ELP4: variants seen among roughly 807,000 people sequenced by gnomAD.
The protein encoded by ELP4 is elongator acetyltransferase complex subunit 4.
Under a neutral mutation model 48.9 loss-of-function variants are expected in ELP4, and 51 were observed. The ratio of observed to expected loss-of-function variants is 1.04; its 90% CI spans 0.83 to 1.32. The LOEUF (loss-of-function observed/expected upper bound fraction) is 1.32. ELP4 is among the 40% of genes most tolerant of loss of function. The pLI, the probability that ELP4 is intolerant of heterozygous loss-of-function variation, is 0.00. For synonymous variants in ELP4, 210 were observed against 189.2 expected, an observed-to-expected ratio of 1.11 and a Z score of -0.90; for missense variants, 519 against 514.6, an observed-to-expected ratio of 1.01 and a Z score of -0.08.
intron 4 of ELP4, among the ~76,000 whole-genome samples, chr11:31,595,922 C>T (rs1376459074): frequency 6.6e-6 from 1 of 152,200 alleles, no homozygotes; most frequent in Non-Finnish European, 1.5e-5. Context: ...ATATAAAACA[C>T]TACATTCAAC....
At chr11:31,779,645 G>A (rs2134283573) in intron 9 of ELP4, 1 of 152,342 alleles carries the variant, frequency 6.6e-6, no homozygotes, top group South Asian at 2.1e-4. Context: ...GCCTAAGGGT[G>A]CCTTTTGGCA....
At chr11:31,743,197 C>T (rs1158819125) in intron 9 of ELP4, among the ~76,000 whole-genome samples, 2 of 152,178 alleles carry the variant, frequency 1.3e-5, no homozygotes, top group African/African-American at 4.8e-5. Context: ...GAAGAGCTAA[C>T]TATCCCAAAT....
chr11:31,643,968 G>T (rs1945150322), intron 7 of ELP4, among the ~76,000 whole-genome samples: 1 of 151,656 alleles, frequency 6.6e-6, no homozygotes, highest in African/African-American at 2.4e-5. Flanking sequence ...AACTTTAAGA[G>T]CCCTTTATGT....
chr11:31,765,888 A>G (rs1948030231), intron 9 of ELP4, among the ~76,000 whole-genome samples: 1 of 152,074 alleles, frequency 6.6e-6, no homozygotes, highest in Non-Finnish European at 1.5e-5. Context: ...ACCATCATTA[A>G]TATCTGAAAT....
chr11:31,560,571 ACATGGTCT>A (rs1221233513), intron 3 of ELP4, among the ~76,000 whole-genome samples: 1 of 151,532 alleles, frequency 6.6e-6, no homozygotes, highest in South Asian at 2.1e-4. Flanking sequence ...GCATTACTAC[ACATGGTCT>A]CACTAACTAA....
intron 3 of ELP4, among the ~76,000 whole-genome samples, chr11:31,546,373 C>G (rs1411518023): frequency 6.6e-6 from 1 of 152,076 alleles, no homozygotes; most frequent in African/African-American, 2.4e-5. Context: ...CAACAAAGAT[C>G]AAAAGGAACA....
chr11:31,549,878 A>G (rs1404189316), intron 3 of ELP4, among the ~76,000 whole-genome samples: 3 of 152,204 alleles, frequency 2.0e-5, no homozygotes, highest in African/African-American at 7.2e-5. Context: ...TCAGTAATCT[A>G]TCGCAAGAAC....
intron 3 of ELP4, among the ~76,000 whole-genome samples, chr11:31,562,415 A>G (rs749416181): frequency 1.9e-4 from 29 of 152,240 alleles, no homozygotes; most frequent in Middle Eastern, 6.8e-3. Context: ...AGTCTTCTCA[A>G]TACATTCCTG....
chr11:31,728,534 G>A (rs1455318774), intron 9 of ELP4, among the ~76,000 whole-genome samples: 1 of 152,164 alleles, frequency 6.6e-6, no homozygotes, highest in African/African-American at 2.4e-5. Flanking sequence ...TAGTAAGTAT[G>A]AGTTCTTAGG....
intron 9 of ELP4, among the ~76,000 whole-genome samples, chr11:31,717,626 C>T (rs1422893655): frequency 3.3e-5 from 5 of 151,910 alleles, no homozygotes; most frequent in African/African-American, 4.8e-5. Context: ...TGGTGGCACA[C>T]GCCTGTAGTC....
At chr11:31,662,516 G>C (rs1341023240) in intron 9 of ELP4, 1 of 397,346 alleles carries the variant, frequency 2.5e-6, no homozygotes, top group African/African-American at 2.1e-5. Flanking sequence ...GTCTATGGCT[G>C]TTTTCACAGT....
chr11:31,663,236 G>C (rs1041453573), intron 9 of ELP4: 1 of 151,738 alleles, frequency 6.6e-6, no homozygotes, highest in Non-Finnish European at 1.5e-5. Context: ...ATCTTTTAAA[G>C]AAACCTTTTT....
chr11:31,547,571 G>C (rs911740189), intron 3 of ELP4, among the ~76,000 whole-genome samples: 1 of 152,120 alleles, frequency 6.6e-6, no homozygotes, highest in Non-Finnish European at 1.5e-5. Flanking sequence ...GGAGGAACTG[G>C]TACCATTCCT....
chr11:31,779,153 T>C (rs1164026132), intron 9 of ELP4, among the ~76,000 whole-genome samples: 1 of 152,222 alleles, frequency 6.6e-6, no homozygotes, highest in African/African-American at 2.4e-5. Flanking sequence ...TTTTAAAAGG[T>C]TTAAAATAAA....
At chr11:31,607,228 C>T (rs1957892290) in intron 5 of ELP4, among the ~76,000 whole-genome samples, 1 of 152,148 alleles carries the variant, frequency 6.6e-6, no homozygotes, top group African/African-American at 2.4e-5. Context: ...TTAAGCCCCC[C>T]AATCTATGGT....
intron 9 of ELP4, among the ~76,000 whole-genome samples, chr11:31,707,752 G>A (rs1042847849): frequency 6.6e-6 from 1 of 152,086 alleles, no homozygotes; most frequent in Non-Finnish European, 1.5e-5. Context: ...GGTTCCTTCT[G>A]GAAGCTTTAC....
intron 7 of ELP4, among the ~76,000 whole-genome samples, chr11:31,635,402 A>C (rs1944952899): frequency 6.6e-6 from 1 of 151,990 alleles, no homozygotes; most frequent in Non-Finnish European, 1.5e-5. Flanking sequence ...ATCTTTTCCC[A>C]AGATCACACA....
chr11:31,544,788 A>G (rs1315781067), intron 3 of ELP4, among the ~76,000 whole-genome samples: 1 of 152,026 alleles, frequency 6.6e-6, no homozygotes, highest in African/African-American at 2.4e-5. Flanking sequence ...ACGGCCGGGT[A>G]CTCCTCTGAG....
intron 3 of ELP4, among the ~76,000 whole-genome samples, chr11:31,551,021 A>T (rs1592109039): frequency 6.6e-6 from 1 of 152,190 alleles, no homozygotes; most frequent in Non-Finnish European, 1.5e-5. Flanking sequence ...TTGTTGAAGA[A>T]ATCCTTCAGG....
Sources: gnomAD v4.1 joint callset for allele counts (sites outside exome capture counted in the v4.1 genomes callset) on GRCh38, gnomAD v4.1.1 for gene constraint, MANE v1.5 for transcripts, NCBI Gene and HGNC (gene_info 2026-07-23, HGNC 2026-07-21) for gene names.